The following MRFAP1L2 variants were observed in gnomAD, a reference collection of about 807,000 sequenced individuals.
MRFAP1L2 encodes the protein Morf4 family associated protein 1 like 2.
the MRFAP1L2 span, chr4:6,674,526 G>A: frequency 1.0e-5 from 7 of 670,080 alleles, no homozygotes; most frequent in Non-Finnish European, 1.9e-5. Flanking sequence ...ATGGGCAGGC[G>A]GATCGTGGAG....
the MRFAP1L2 span, chr4:6,674,801 G>C: frequency 4.5e-3 from 2,124 of 467,780 alleles, 39 homozygotes; most frequent in African/African-American, 0.038. Context: ...CTACGTGGGG[G>C]GAGAGAGGTG....
chr4:6,674,480 G>A, the MRFAP1L2 span: 2 of 666,916 alleles, frequency 3.0e-6, no homozygotes, highest in Non-Finnish European at 5.4e-6. Flanking sequence ...TCGGCTGTGC[G>A]CCGAAGCAGA....
the MRFAP1L2 span, chr4:6,674,189 C>T: frequency 5.1e-6 from 2 of 390,594 alleles, no homozygotes; most frequent in Non-Finnish European, 9.0e-6. Flanking sequence ...GCGTGCCCCG[C>T]GGGCTGGAAG....
At chr4:6,674,822 G>C in the MRFAP1L2 span, 1 of 439,190 alleles carries the variant, frequency 2.3e-6, no homozygotes, top group Non-Finnish European at 4.0e-6. Context: ...TGAAGCGGAG[G>C]TACATGCTGG....
At chr4:6,675,635 T>C in the MRFAP1L2 span, 1 of 152,256 alleles carries the variant, frequency 6.6e-6, no homozygotes, top group Admixed American at 6.5e-5. Flanking sequence ...GTAATTTTCC[T>C]ATGGCATGTT....
chr4:6,675,947 A>G, the MRFAP1L2 span: 1 of 152,266 alleles, frequency 6.6e-6, no homozygotes, highest in African/African-American at 2.4e-5. Flanking sequence ...TTGCTTGGAA[A>G]AAGAAATGCT....
the MRFAP1L2 span, chr4:6,674,576 G>A: frequency 1.3e-5 from 8 of 636,322 alleles, no homozygotes; most frequent in African/African-American, 7.7e-5. Context: ...CTGCTGAGCC[G>A]GCGAGGCCGC....
At chr4:6,675,987 A>G in the MRFAP1L2 span, 10 of 152,284 alleles carry the variant, frequency 6.6e-5, no homozygotes, top group Admixed American at 5.9e-4. Context: ...CTTTGTGCAG[A>G]TGACCAAAGC....
the MRFAP1L2 span, chr4:6,674,726 T>A: frequency 1.9e-6 from 1 of 523,714 alleles, no homozygotes; most frequent in Non-Finnish European, 3.3e-6. Context: ...GAAAATAATT[T>A]GATATGTTGT....
At chr4:6,674,589 G>A in the MRFAP1L2 span, 1 of 619,876 alleles carries the variant, frequency 1.6e-6, no homozygotes, top group Non-Finnish European at 2.9e-6. Context: ...GAGGCCGCGC[G>A]GGTCTGGAGC....
At chr4:6,674,532 T>TGGAGCTGCACCAGCGGATCGC in the MRFAP1L2 span, 2 of 668,740 alleles carry the variant, frequency 3.0e-6, no homozygotes, top group African/African-American at 1.9e-5. Flanking sequence ...AGGCGGATCG[T>TGGAGCTGCACCAGCGGATCGC]GGAGCTGCAC....
the MRFAP1L2 span, chr4:6,674,808 G>A: frequency 4.4e-6 from 2 of 457,850 alleles, no homozygotes; most frequent in South Asian, 3.6e-5. Context: ...GGGGGAGAGA[G>A]GTGTGAAGCG....
the MRFAP1L2 span, chr4:6,675,471 G>T: frequency 6.8e-6 from 1 of 146,490 alleles, no homozygotes; most frequent in South Asian, 2.2e-4. Flanking sequence ...ATGCGACTTT[G>T]GATGAGATTA....
At chr4:6,674,478 G>T in the MRFAP1L2 span, 3 of 666,650 alleles carry the variant, frequency 4.5e-6, no homozygotes, top group Middle Eastern at 3.7e-4. Flanking sequence ...GCTCGGCTGT[G>T]CGCCGAAGCA....
At chr4:6,674,122 T>G in the MRFAP1L2 span, 1 of 380,666 alleles carries the variant, frequency 2.6e-6, no homozygotes, top group Non-Finnish European at 4.7e-6. Flanking sequence ...AACCTGTTGC[T>G]AGTCTGGTCG....
At chr4:6,674,187 C>G in the MRFAP1L2 span, 2 of 390,848 alleles carry the variant, frequency 5.1e-6, no homozygotes, top group Non-Finnish European at 4.5e-6. Flanking sequence ...CGGCGTGCCC[C>G]GCGGGCTGGA....
chr4:6,674,852 C>A, the MRFAP1L2 span: 5 of 383,308 alleles, frequency 1.3e-5, no homozygotes, highest in African/African-American at 8.5e-5. Context: ...AATGTTGTTA[C>A]GAGATTGGAG....
chr4:6,675,127 A>G, the MRFAP1L2 span: 1 of 152,340 alleles, frequency 6.6e-6, no homozygotes, highest in Non-Finnish European at 1.5e-5. Flanking sequence ...CTCAATTTCC[A>G]GTACCATCCT....
At chr4:6,675,905 T>C in the MRFAP1L2 span, 1 of 152,180 alleles carries the variant, frequency 6.6e-6, no homozygotes, top group Admixed American at 6.5e-5. Flanking sequence ...GAGACTAAAA[T>C]CAGAGCTCTG....
Sources: gnomAD v4.1 joint callset for allele counts on GRCh38, gnomAD v4.1.1 for gene constraint, MANE v1.5 for transcripts, NCBI Gene and HGNC (gene_info 2026-07-23, HGNC 2026-07-21) for gene names.